FBN1: variants seen among roughly 807,000 people sequenced by gnomAD.
FBN1 encodes fibrillin-1.
FBN1 carries 29 observed loss-of-function variants against 365.1 expected under a neutral mutation model. The observed-to-expected ratio is 0.08, with a 90% confidence interval of 0.06 to 0.11. The LOEUF (loss-of-function observed/expected upper bound fraction) is 0.11. Among genes scored for constraint, FBN1 ranks in the 10% least tolerant of loss-of-function variants. The pLI is 1.00. For synonymous variants in FBN1, 1,210 were observed against 1,270.5 expected (o/e 0.95, Z 1.01); for missense variants, 2,476 against 3,703.2 (o/e 0.67, Z 8.60).
At chr15:48,486,313 T>C (rs1191025006) in intron 29 of FBN1, among the ~76,000 whole-genome samples, 1 of 152,220 alleles carries the variant, frequency 6.6e-6, no homozygotes, top group Non-Finnish European at 1.5e-5. Flanking sequence ...CAGAAAACTT[T>C]GGGCTGATTT....
chr15:48,524,426 G>C (rs923539474), intron 9 of FBN1, among the ~76,000 whole-genome samples: 1 of 152,154 alleles, frequency 6.6e-6, no homozygotes, highest in African/African-American at 2.4e-5. Context: ...TGTTTATACT[G>C]TCAGGGGCTA....
intron 2 of FBN1, among the ~76,000 whole-genome samples, chr15:48,619,555 A>C (rs1423291483): frequency 1.3e-5 from 2 of 151,926 alleles, no homozygotes. Flanking sequence ...GGGCATTTAG[A>C]ATTAAATGTT....
At chr15:48,473,167 A>G (rs1216424218) in intron 34 of FBN1, among the ~76,000 whole-genome samples, 1 of 152,236 alleles carries the variant, frequency 6.6e-6, no homozygotes, top group Non-Finnish European at 1.5e-5. Flanking sequence ...TGGAATTTGA[A>G]TATGTTCTCA....
At chr15:48,638,812 AG>A (rs1890147419) in intron 2 of FBN1, among the ~76,000 whole-genome samples, 1 of 152,240 alleles carries the variant, frequency 6.6e-6, no homozygotes, top group Non-Finnish European at 1.5e-5. Context: ...GATTTCTCAC[AG>A]GGGACATGAC....
intron 53 of FBN1, 49 bp from the exon 54 acceptor site, chr15:48,434,762 C>G (rs370467209): frequency 2.5e-6 from 4 of 1,603,154 alleles, no homozygotes; most frequent in African/African-American, 2.7e-5. Flanking sequence ...TGAGATAATA[C>G]CTTTTATTCT....
At chr15:48,466,844 C>G (rs1378758167) in intron 38 of FBN1, among the ~76,000 whole-genome samples, 2 of 152,050 alleles carry the variant, frequency 1.3e-5, no homozygotes, top group Admixed American at 1.3e-4. Context: ...ATCATCCATA[C>G]TTTTTGAATT....
chr15:48,532,476 A>ATGTG (rs149675514), intron 8 of FBN1, among the ~76,000 whole-genome samples: 5 of 149,052 alleles, frequency 3.4e-5, no homozygotes, highest in South Asian at 4.3e-4. Context: ...GTGTGTGTAT[A>ATGTG]TGTGTGTGTG....
chr15:48,465,988 C>T (rs75456997), intron 38 of FBN1, 130 bp from the exon 39 acceptor site: 6 of 724,954 alleles, frequency 8.3e-6, no homozygotes, highest in South Asian at 1.5e-5. Flanking sequence ...TTACTCTGCC[C>T]GTCTGAAGTA....
At chr15:48,456,328 T>C (rs537299644) in intron 44 of FBN1, among the ~76,000 whole-genome samples, 1 of 152,324 alleles carries the variant, frequency 6.6e-6, no homozygotes, top group South Asian at 2.1e-4. Flanking sequence ...TCCAGCAATG[T>C]GAAACGAAAG....
intron 4 of FBN1, among the ~76,000 whole-genome samples, chr15:48,602,166 A>G (rs2044572808): frequency 6.6e-6 from 1 of 151,970 alleles, no homozygotes; most frequent in South Asian, 2.1e-4. Flanking sequence ...TTCTCCCCCA[A>G]ACCTGAAATC....
At chr15:48,466,079 C>G (rs556478874) in intron 38 of FBN1, among the ~76,000 whole-genome samples, 1 of 152,192 alleles carries the variant, frequency 6.6e-6, no homozygotes, top group African/African-American at 2.4e-5. Context: ...GTCCTCAGTC[C>G]TTGAACTCTA....
intron 6 of FBN1, among the ~76,000 whole-genome samples, chr15:48,545,392 C>T (rs1324099082): frequency 6.6e-6 from 1 of 152,090 alleles, no homozygotes; most frequent in Non-Finnish European, 1.5e-5. Flanking sequence ...CAGTAGCAAG[C>T]CAATTTTAAC....
intron 53 of FBN1, among the ~76,000 whole-genome samples, chr15:48,435,950 A>T (rs1462226380): frequency 1.3e-5 from 2 of 152,064 alleles, no homozygotes; most frequent in East Asian, 3.9e-4. Context: ...GGCACAGAAG[A>T]GTAATGGCTC....
intron 34 of FBN1, among the ~76,000 whole-genome samples, 174 bp from the exon 35 acceptor site, chr15:48,472,850 C>G (rs1272259365): frequency 2.0e-5 from 3 of 152,182 alleles, no homozygotes; most frequent in Non-Finnish European, 4.4e-5. Context: ...TTACATGTGG[C>G]TGATTCAGAA....
chr15:48,490,380 G>T (rs1180678729), intron 24 of FBN1, among the ~76,000 whole-genome samples: 1 of 152,142 alleles, frequency 6.6e-6, no homozygotes, highest in Admixed American at 6.5e-5. Flanking sequence ...TTCGGGAGAT[G>T]TTTTTCTCCT....
At chr15:48,630,119 G>A (rs1326757262) in intron 2 of FBN1, among the ~76,000 whole-genome samples, 1 of 152,168 alleles carries the variant, frequency 6.6e-6, no homozygotes, top group Non-Finnish European at 1.5e-5. Context: ...GTCGGTCCAG[G>A]GGATGGATCC....
chr15:48,425,575 T>C, intron 59 of FBN1, 84 bp from the exon 60 acceptor site: 1 of 1,595,484 alleles, frequency 6.3e-7, no homozygotes, highest in Non-Finnish European at 8.6e-7. Context: ...ACGAAGAATT[T>C]TAGTTTCGGG....
Position 48,496,095 on chromosome 15 carries a change from T to C in FBN1, c.2419+5A>G. On this transcript the variant is annotated splice_donor_5th_base_variant and intron_variant, in intron 20 of 65. Coordinates refer to ENST00000316623, the MANE Select transcript of FBN1 (RefSeq NM_000138.5). ...ACACAGTATAAGAACAAAAATATGG[T>C]TTACCTTCACATGTTTTTAGATCAG... 1 of 1,613,676 alleles carries C rather than the reference T, an allele frequency of 6.2e-7. No homozygotes were observed. The highest frequency in any genetic ancestry group is 1.1e-5 in the South Asian group (1 of 91,074).
intron 62 of FBN1, 110 bp from the exon 63 acceptor site, chr15:48,420,916 C>A (rs1353297973): frequency 2.4e-6 from 3 of 1,249,158 alleles, no homozygotes; most frequent in African/African-American, 3.0e-5. Context: ...TATTCTACCA[C>A]CAAAAACTTC....
Sources: gnomAD v4.1 joint callset for allele counts (sites outside exome capture counted in the v4.1 genomes callset) on GRCh38, gnomAD v4.1.1 for gene constraint, MANE v1.5 for transcripts, NCBI Gene and HGNC (gene_info 2026-07-23, HGNC 2026-07-21) for gene names.